KALRN: variants seen among roughly 807,000 people sequenced by gnomAD.
KALRN encodes the protein kalirin.
In KALRN, 70 loss-of-function variants were observed where a neutral mutation model predicts 353.7. The ratio of observed to expected loss-of-function variants is 0.20; its 90% confidence interval spans 0.16 to 0.24. KALRN has a LOEUF of 0.24. KALRN is among the 10% of genes least tolerant of loss of function. The pLI is 1.00. For synonymous variants in KALRN, 1,391 were observed against 1,434.8 expected (o/e 0.97, Z 0.69); for missense variants, 2,791 against 3,756.7 (o/e 0.74, Z 6.72).
chr3:124,569,648 C>G (rs148308218), intron 34 of KALRN, among the ~76,000 whole-genome samples: 1 of 152,364 alleles, frequency 6.6e-6, no homozygotes, highest in Non-Finnish European at 1.5e-5. Context: ...CACTTTACCA[C>G]TGTGTTCTAC....
Position 124,395,328 on chromosome 3 carries a change from A to G in KALRN, c.2156A>G (p.Glu719Gly). 2 of 1,612,374 alleles carry G rather than the reference A, an allele frequency of 1.2e-6. No homozygotes were observed. Among genetic ancestry groups the G allele is most frequent in the Middle Eastern group, 1.6e-4 (1 of 6,062 alleles). The change falls in exon 12 of 60, where the codon GAG (glutamate) becomes GGG (glycine). Residue 719 changes from glutamate to glycine, a missense_variant. Glu to Gly is a moderately conservative substitution (Grantham distance 98). This residue lies in a region of KALRN where 452 missense variants were observed against 575.8 expected (regional missense o/e 0.78). Coordinates refer to ENST00000682506, the MANE Select transcript of KALRN (RefSeq NM_001388419.1). ...QLRSAPPSLG[E>G]PSEARDSAVS... ...AGGTCAGCGCCTCCCTCCCTCGGGG[A>G]GCCCAGCGAGGCCAGGTCAGCATGG... is the stretch of plus-strand genomic sequence containing the variant.
intron 33 of KALRN, among the ~76,000 whole-genome samples, chr3:124,503,977 A>C (rs1206231859): frequency 1.3e-5 from 2 of 152,258 alleles, no homozygotes; most frequent in East Asian, 1.9e-4. Context: ...AATCGTCTGC[A>C]AAAGCAAGTA....
chr3:124,569,175 G>C (rs117084291), intron 34 of KALRN, among the ~76,000 whole-genome samples: 6 of 152,198 alleles, frequency 3.9e-5, no homozygotes, highest in South Asian at 2.1e-4. Flanking sequence ...GGCTTCCCCC[G>C]TGAGCCTCAG....
At chr3:124,460,290 G>A (rs1426353148) in intron 23 of KALRN, among the ~76,000 whole-genome samples, 1 of 152,176 alleles carries the variant, frequency 6.6e-6, no homozygotes, top group Non-Finnish European at 1.5e-5. Flanking sequence ...GGGATGAGGG[G>A]ACTATACCTG....
At chr3:124,106,196 C>T (rs868374032) in intron 1 of KALRN, among the ~76,000 whole-genome samples, 1 of 152,034 alleles carries the variant, frequency 6.6e-6, no homozygotes, top group African/African-American at 2.4e-5. Context: ...AACACTTCCT[C>T]TGTTGTAAGG....
intron 1 of KALRN, among the ~76,000 whole-genome samples, chr3:124,198,025 A>G (rs1277266694): frequency 6.6e-6 from 1 of 152,204 alleles, no homozygotes; most frequent in East Asian, 1.9e-4. Context: ...TTTTTAAAAA[A>G]CAATACCACA....
chr3:124,270,824 G>GTTTTTGTT (rs1553885288), intron 5 of KALRN, among the ~76,000 whole-genome samples: 2 of 78,630 alleles, frequency 2.5e-5, no homozygotes, highest in Non-Finnish European at 4.8e-5. Context: ...TTTTTGTTTT[G>GTTTTTGTT]TTTTTTTTTT....
At chr3:124,711,564 T>A (rs1442121160) in intron 57 of KALRN, among the ~76,000 whole-genome samples, 2 of 152,158 alleles carry the variant, frequency 1.3e-5, no homozygotes, top group African/African-American at 4.8e-5. Context: ...GACCCTCCCT[T>A]CATCTGCCCC....
rs2039086321 is a variant in KALRN, at chr3:124,033,554, C to G, written c.-187C>G. Among the ~76,000 whole-genome samples the G allele has an allele frequency of 6.6e-6, 1 of 151,708 alleles. No individual in the cohort carries two copies. The highest frequency in any genetic ancestry group is 1.5e-5 in the Non-Finnish European group (1 of 67,860). The stretch of plus-strand genomic sequence containing the variant: ...GCACCCCCAGCCCGCCGCGCGCCTC[C>G]GCCTGAGGGAGGCTCAGCGTCCTCT... On this transcript the variant is annotated 5_prime_UTR_variant, in exon 1 of 60. Coordinates refer to ENST00000682506, the MANE Select transcript of KALRN (RefSeq NM_001388419.1). The surrounding 1 kb of genome is among the most constrained non-coding windows in gnomAD (Gnocchi z 6.2).
intron 1 of KALRN, among the ~76,000 whole-genome samples, chr3:124,111,035 C>A (rs2062917142): frequency 6.6e-6 from 1 of 152,214 alleles, no homozygotes; most frequent in Admixed American, 6.5e-5. Flanking sequence ...TTTTAAACTT[C>A]TCCTAGGTTT....
intron 49 of KALRN, among the ~76,000 whole-genome samples, chr3:124,676,564 TCTTC>T (rs1161563028): frequency 2.6e-5 from 4 of 152,194 alleles, no homozygotes; most frequent in African/African-American, 9.7e-5. Flanking sequence ...CTACTCTCAG[TCTTC>T]CTTCTGAACA....
intron 6 of KALRN, among the ~76,000 whole-genome samples, chr3:124,306,688 G>A (rs1480614703): frequency 6.6e-6 from 1 of 152,078 alleles, no homozygotes; most frequent in Non-Finnish European, 1.5e-5. Flanking sequence ...AGATCCATAA[G>A]CAGACACATT....
chr3:124,443,306 T>G (rs984247284), intron 19 of KALRN, among the ~76,000 whole-genome samples: 4 of 152,024 alleles, frequency 2.6e-5, no homozygotes, highest in African/African-American at 9.7e-5. Context: ...AACTCTGGAG[T>G]CCGAGGCTAG....
chr3:124,666,096 G>C (rs1056906164), intron 45 of KALRN, among the ~76,000 whole-genome samples: 1 of 152,144 alleles, frequency 6.6e-6, no homozygotes, highest in African/African-American at 2.4e-5. Context: ...GCAGCTCCAA[G>C]TGTCACCTAC....
In KALRN at chr3:124,291,698, G is replaced by T. The variant is rs573852049; in HGVS notation, c.970-7093G>T. 3.9e-5 allele frequency among the ~76,000 whole-genome samples: 6 copies of T among 152,296 alleles called. No individual in the cohort carries two copies. The South Asian group carries it at 1.0e-3, about 26-fold the overall frequency. On this transcript the variant is annotated intron_variant, in intron 5 of 59. Transcript: ENST00000682506. ...ACAGATCAGAGACGTGGCCTGGTCA[G>T]TGAGATGTTTGGCATCCTGGCCAGT... is the stretch of plus-strand genomic sequence containing the variant.
At chr3:124,600,340 C>T (rs1181275639) in intron 34 of KALRN, among the ~76,000 whole-genome samples, 1 of 152,240 alleles carries the variant, frequency 6.6e-6, no homozygotes, top group Non-Finnish European at 1.5e-5. Flanking sequence ...TCCAAAGTCA[C>T]AGATCCTTGG....
At chr3:124,692,948 A>G (rs1018862423) in intron 51 of KALRN, among the ~76,000 whole-genome samples, 1 of 152,174 alleles carries the variant, frequency 6.6e-6, no homozygotes, top group African/African-American at 2.4e-5. Flanking sequence ...CATCTCCTCA[A>G]GAAGATGTAG....
At chr3:124,070,814 C>A (rs1292088872) in intron 1 of KALRN, among the ~76,000 whole-genome samples, 1 of 152,176 alleles carries the variant, frequency 6.6e-6, no homozygotes, top group African/African-American at 2.4e-5. Context: ...TTTTAGGATG[C>A]CTCTGGCATT....
intron 1 of KALRN, among the ~76,000 whole-genome samples, chr3:124,183,023 C>T (rs2073812018): frequency 6.6e-6 from 1 of 152,110 alleles, no homozygotes; most frequent in African/African-American, 2.4e-5. Flanking sequence ...TCATATGTTG[C>T]AGTCCTAAAT....
Sources: gnomAD v4.1 joint callset for allele counts (sites outside exome capture counted in the v4.1 genomes callset) on GRCh38, gnomAD v4.1.1 for gene constraint, gnomAD v4.1.1 regional missense constraint, Gnocchi (gnomAD v3.1) non-coding constraint, MANE v1.5 for transcripts, NCBI Gene and HGNC (gene_info 2026-07-23, HGNC 2026-07-21) for gene names.